The following EVI5 variants were observed in gnomAD, a reference collection of about 807,000 sequenced individuals.
EVI5 encodes ecotropic viral integration site 5.
EVI5 carries 73 observed loss-of-function variants against 112.0 expected under a neutral mutation model. The ratio of observed to expected loss-of-function variants is 0.65; its 90% confidence interval spans 0.54 to 0.79. The LOEUF (loss-of-function observed/expected upper bound fraction) is 0.79, where lower values mean the gene tolerates loss of function less well. Ranked by LOEUF, EVI5 falls within the 30% of genes least tolerant of loss-of-function variation. The probability of loss-of-function intolerance (pLI) is 0.00; values close to 1 mark genes in which losing one functional copy is unlikely to be tolerated. For missense variants in EVI5, 900 were observed against 968.8 expected, an observed-to-expected ratio of 0.93 and a Z score of 0.94; for synonymous variants, 305 against 319.9, an observed-to-expected ratio of 0.95 and a Z score of 0.50.
intron 1 of EVI5, among the ~76,000 whole-genome samples, chr1:92,758,096 G>C (rs1306768095): frequency 6.6e-6 from 1 of 151,980 alleles, no homozygotes; most frequent in Non-Finnish European, 1.5e-5. Flanking sequence ...GTAAAGAATA[G>C]GATATACATA....
At chr1:92,700,770 G>A (rs1457106504) in intron 5 of EVI5, 1 of 152,018 alleles carries the variant, frequency 6.6e-6, no homozygotes, top group Non-Finnish European at 1.5e-5. Context: ...AAAATAAAAG[G>A]AATAGAACAG....
intron 19 of EVI5, among the ~76,000 whole-genome samples, chr1:92,523,313 C>A (rs1661275821): frequency 6.6e-6 from 1 of 151,958 alleles, no homozygotes; most frequent in African/African-American, 2.4e-5. Flanking sequence ...TGTTAACATC[C>A]CCCCTTCACC....
chr1:92,701,843 T>C (rs1203016757), intron 5 of EVI5, among the ~76,000 whole-genome samples: 10 of 150,344 alleles, frequency 6.7e-5, no homozygotes, highest in African/African-American at 2.5e-4. Flanking sequence ...AAAAGATTAC[T>C]CTTCATTAAA....
intron 19 of EVI5, among the ~76,000 whole-genome samples, chr1:92,561,101 T>G (rs553704869): frequency 6.6e-6 from 1 of 152,152 alleles, no homozygotes; most frequent in Non-Finnish European, 1.5e-5. Flanking sequence ...GGTTTTCTTT[T>G]GCGTTGGCTG....
At chr1:92,667,846 A>G (rs1572196848) in intron 10 of EVI5, among the ~76,000 whole-genome samples, 1 of 152,090 alleles carries the variant, frequency 6.6e-6, no homozygotes, top group East Asian at 1.9e-4. Context: ...TGATCTCCTG[A>G]CCTCATGATC....
chr1:92,719,368 C>T (rs1674357989), intron 2 of EVI5, among the ~76,000 whole-genome samples: 3 of 152,000 alleles, frequency 2.0e-5, no homozygotes, highest in African/African-American at 7.3e-5. Flanking sequence ...GGCCTTCATC[C>T]CTGGGATGCA....
chr1:92,544,670 G>T (rs750337495), intron 19 of EVI5, among the ~76,000 whole-genome samples: 1 of 152,000 alleles, frequency 6.6e-6, no homozygotes, highest in African/African-American at 2.4e-5. Context: ...CTTTTTTTCA[G>T]AAATTATAAC....
At chr1:92,525,742 A>G (rs750919034) in intron 19 of EVI5, among the ~76,000 whole-genome samples, 3 of 152,216 alleles carry the variant, frequency 2.0e-5, no homozygotes, top group Non-Finnish European at 4.4e-5. Flanking sequence ...TGATTAGCTC[A>G]TCGGACGCTG....
chr1:92,586,734 T>C (rs1011513711), intron 18 of EVI5, among the ~76,000 whole-genome samples: 9 of 142,952 alleles, frequency 6.3e-5, no homozygotes, highest in African/African-American at 2.3e-4. Context: ...CAGCCATTTC[T>C]TTTTTTTTTT....
At chr1:92,617,218 G>A (rs186408699) in intron 16 of EVI5, among the ~76,000 whole-genome samples, 12 of 152,326 alleles carry the variant, frequency 7.9e-5, no homozygotes, top group East Asian at 3.9e-4. Context: ...GCAGAACTTC[G>A]AGCAGAGCAC....
At chr1:92,574,796 C>T (rs1397817107) in intron 18 of EVI5, among the ~76,000 whole-genome samples, 1 of 152,062 alleles carries the variant, frequency 6.6e-6, no homozygotes, top group African/African-American at 2.4e-5. Context: ...ATAAATAAAT[C>T]TATACATAAT....
intron 14 of EVI5, among the ~76,000 whole-genome samples, chr1:92,631,069 T>C (rs1656951242): frequency 6.6e-6 from 1 of 152,178 alleles, no homozygotes; most frequent in African/African-American, 2.4e-5. Context: ...ACCATGCTGT[T>C]TTGGTTACTG....
At chr1:92,517,109 C>T (rs931994152) in intron 19 of EVI5, among the ~76,000 whole-genome samples, 2 of 152,154 alleles carry the variant, frequency 1.3e-5, no homozygotes, top group Admixed American at 6.6e-5. Flanking sequence ...ATGGTCGGAT[C>T]TCTGTATCAG....
chr1:92,762,110 G>C (rs551974999), intron 1 of EVI5, among the ~76,000 whole-genome samples: 1 of 152,050 alleles, frequency 6.6e-6, no homozygotes, highest in East Asian at 1.9e-4. Flanking sequence ...ACAAGAGTAG[G>C]AATTACAGAA....
At chr1:92,690,331 A>G (rs370625742) in intron 9 of EVI5, among the ~76,000 whole-genome samples, 36 of 143,726 alleles carry the variant, frequency 2.5e-4, no homozygotes, top group African/African-American at 8.7e-4. Context: ...ATTTAACATG[A>G]AAAGTATCCC....
intron 6 of EVI5, 148 bp downstream of exon 6, chr1:92,697,712 A>C: frequency 1.5e-6 from 1 of 668,142 alleles, no homozygotes; most frequent in South Asian, 2.0e-5. Context: ...ATTGTACATT[A>C]ACCAACCAAA....
At chr1:92,625,344 A>G (rs1048175223) in intron 15 of EVI5, among the ~76,000 whole-genome samples, 5 of 152,234 alleles carry the variant, frequency 3.3e-5, no homozygotes, top group African/African-American at 1.2e-4. Context: ...TCCCTCATAC[A>G]TGAATAAATT....
intron 18 of EVI5, among the ~76,000 whole-genome samples, chr1:92,588,496 C>A (rs1389072770): frequency 6.6e-6 from 1 of 152,188 alleles, no homozygotes; most frequent in Non-Finnish European, 1.5e-5. Flanking sequence ...TTCTAATGAA[C>A]CTTTATAAAC....
At position 92,563,711 on chromosome 1, in the gene EVI5, CT is replaced by C. The variant is rs1557795656; in HGVS notation, c.2096del (p.Gln699ArgfsTer14). 2 of 1,609,152 alleles carry C rather than the reference CT, an allele frequency of 1.2e-6. No homozygotes were observed. Among genetic ancestry groups the C allele is most frequent in the South Asian group, 2.2e-5 (2 of 90,504 alleles). ...IQKEEGKLQG[Q>X]LNKSDSNQYI... ...ACTGGTTAGAATCAGACTTGTTAAGCTGTCCTTGAAGCTTTCCTTCTTCTTT... is the reference window on the plus strand; with the variant it reads ...ACTGGTTAGAATCAGACTTGTTAAGCGTCCTTGAAGCTTTCCTTCTTCTTT... On this transcript the variant is annotated frameshift_variant, in exon 19 of 20. Coordinates refer to ENST00000684568, the MANE Select transcript of EVI5 (RefSeq NM_001350197.2). LOFTEE classifies it high-confidence loss of function.
Sources: gnomAD v4.1 joint callset for allele counts (sites outside exome capture counted in the v4.1 genomes callset) on GRCh38, gnomAD v4.1.1 for gene constraint, MANE v1.5 for transcripts, NCBI Gene and HGNC (gene_info 2026-07-23, HGNC 2026-07-21) for gene names.